The following VAV2 variants were observed in gnomAD, a reference collection of about 807,000 sequenced individuals.
VAV2 encodes the protein guanine nucleotide exchange factor VAV2.
VAV2 carries 67 observed loss-of-function variants against 132.5 expected under a neutral mutation model. That is an observed-to-expected ratio of 0.51 (90% CI 0.42 to 0.62). VAV2 has a LOEUF of 0.62. Ranked by LOEUF, VAV2 falls within the 20% of genes least tolerant of loss-of-function variation. The probability of loss-of-function intolerance (pLI) is 0.00; values close to 1 mark genes in which losing one functional copy is unlikely to be tolerated. For missense variants in VAV2, 938 were observed against 1,153.6 expected (o/e 0.81, Z 2.71); for synonymous variants, 492 against 443.5 (o/e 1.11, Z -1.37).
chr9:133,982,859 T>C (rs369469078), intron 1 of VAV2, among the ~76,000 whole-genome samples: 22 of 152,286 alleles, frequency 1.4e-4, no homozygotes, highest in African/African-American at 4.8e-4. Flanking sequence ...AAAAATAAAT[T>C]TCATGGGAGC....
At chr9:133,927,434 T>A (rs1414638155) in intron 2 of VAV2, among the ~76,000 whole-genome samples, 3 of 152,190 alleles carry the variant, frequency 2.0e-5, no homozygotes, top group African/African-American at 7.2e-5. Flanking sequence ...CAGCAGAGGC[T>A]CAGCCCAGAG....
rs181827094 is a variant in VAV2 at position 133,802,301 on chromosome 9, C to A, written c.836+3780G>T. Among the ~76,000 whole-genome samples, 1,627 of 148,210 alleles carry A rather than the reference C, an allele frequency of 0.011. 23 individuals are homozygous for A. Among genetic ancestry groups the A allele is most frequent in the Non-Finnish European group, 0.012 (828 of 67,684 alleles). On this transcript the variant is annotated intron_variant, in intron 9 of 29. Coordinates refer to ENST00000371850, the MANE Select transcript of VAV2 (RefSeq NM_001134398.2). This position sits in a 1 kb window ranked among gnomAD's most constrained non-coding sequence, Gnocchi z 5.8. ...GCACACACACACACATGCATGTGCA[C>A]ACAAACACACAAGCACGCGTGTACA...
At chr9:133,795,618 CG>C in intron 12 of VAV2, 49 bp downstream of exon 12, 1 of 1,599,996 alleles carries the variant, frequency 6.3e-7, no homozygotes, top group Non-Finnish European at 8.6e-7. Context: ...TCCAAGAACA[CG>C]GGCTAAGCCA....
intron 4 of VAV2, among the ~76,000 whole-genome samples, chr9:133,813,952 T>C (rs1053591088): frequency 3.9e-5 from 6 of 152,134 alleles, no homozygotes; most frequent in African/African-American, 7.2e-5. Context: ...CAAACTGAGG[T>C]TAAACAGCCA....
At chr9:133,906,310 G>A (rs679923) in intron 2 of VAV2, among the ~76,000 whole-genome samples, 60,298 of 152,098 alleles carry the variant, frequency 0.4, 12,477 homozygotes, top group East Asian at 0.66. Flanking sequence ...TCTATTAAAC[G>A]CAGCCACATC....
At chr9:133,905,433 C>CAAAAAA (rs5901029) in intron 2 of VAV2, among the ~76,000 whole-genome samples, 207 of 113,230 alleles carry the variant, frequency 1.8e-3, no homozygotes, top group African/African-American at 6.1e-3. Flanking sequence ...GAAACTGTCT[C>CAAAAAA]AAAAAAAAAA....
At chr9:133,968,561 T>C (rs1188025396) in intron 1 of VAV2, among the ~76,000 whole-genome samples, 1 of 151,900 alleles carries the variant, frequency 6.6e-6, no homozygotes, top group Non-Finnish European at 1.5e-5. Context: ...TCCCTACCCA[T>C]GGGGCCATCC....
chr9:133,893,042 A>C (rs1437310907), intron 2 of VAV2, among the ~76,000 whole-genome samples: 4 of 152,216 alleles, frequency 2.6e-5, no homozygotes, highest in African/African-American at 9.6e-5. Flanking sequence ...CCTGGCCCTT[A>C]GACACGCAGT....
chr9:133,986,302 G>C (rs934637318), intron 1 of VAV2, among the ~76,000 whole-genome samples: 4 of 152,200 alleles, frequency 2.6e-5, no homozygotes, highest in African/African-American at 9.6e-5. Flanking sequence ...TGATGGGGGA[G>C]CATTCTGTAA....
At position 133,943,411 on chromosome 9, in the gene VAV2, G is replaced by A. The variant is rs562899571; in HGVS notation, c.205-4192C>T. ...GCCAGGTGAAAAGTCCCCTGTCCAC[G>A]CCCAAGCTATGAAGGCTGGCTTCAG... On this transcript the variant is annotated intron_variant, in intron 1 of 29. Coordinates refer to ENST00000371850, the MANE Select transcript of VAV2 (RefSeq NM_001134398.2). Among the ~76,000 whole-genome samples, 9 of 152,338 alleles carry A rather than the reference G, an allele frequency of 5.9e-5. No individual in the cohort carries two copies. The East Asian group carries it at 7.7e-4, about 13-fold the overall frequency.
At chr9:133,895,976 C>A (rs1193914150) in intron 2 of VAV2, among the ~76,000 whole-genome samples, 4 of 131,660 alleles carry the variant, frequency 3.0e-5, no homozygotes, top group Non-Finnish European at 4.8e-5. Flanking sequence ...GTGTTTCTCG[C>A]AGAGGGGGAT....
chr9:133,910,823 C>CA (rs60841450), intron 2 of VAV2, among the ~76,000 whole-genome samples: 66,859 of 100,032 alleles, frequency 0.67, 24,702 homozygotes, highest in East Asian at 0.88. Context: ...GACTCGGTCT[C>CA]AAAAAAAAAA....
At chr9:133,880,092 A>T (rs1838427512) in intron 2 of VAV2, among the ~76,000 whole-genome samples, 1 of 152,376 alleles carries the variant, frequency 6.6e-6, no homozygotes, top group East Asian at 1.9e-4. Flanking sequence ...CATGGGGAAG[A>T]CAGGCCAAGG....
chr9:133,938,308 C>T (rs2519806), intron 2 of VAV2, among the ~76,000 whole-genome samples: 133,183 of 152,210 alleles, frequency 0.87, 59,162 homozygotes, highest in East Asian at 0.98. Context: ...GCGTCCAGCC[C>T]CGAATCCATC....
chr9:133,966,218 C>A (rs1842136378), intron 1 of VAV2, among the ~76,000 whole-genome samples: 1 of 152,158 alleles, frequency 6.6e-6, no homozygotes, highest in Admixed American at 6.5e-5. Flanking sequence ...GGACATTGGT[C>A]TGGGCAAAGA....
At chr9:133,869,945 C>T (rs1373279291) in intron 2 of VAV2, among the ~76,000 whole-genome samples, 1 of 152,206 alleles carries the variant, frequency 6.6e-6, no homozygotes, top group African/African-American at 2.4e-5. Flanking sequence ...ACTATTGCTG[C>T]ATATTCAGAA....
intron 2 of VAV2, among the ~76,000 whole-genome samples, chr9:133,902,023 C>T (rs575679907): frequency 2.0e-5 from 3 of 152,284 alleles, no homozygotes; most frequent in Admixed American, 6.5e-5. Context: ...TCCGAGCCTC[C>T]ATGTCCTACA....
At chr9:133,964,023 A>ATATG (rs1491397658) in intron 1 of VAV2, among the ~76,000 whole-genome samples, 12 of 8,016 alleles carry the variant, frequency 1.5e-3, no homozygotes, top group East Asian at 6.8e-3. Context: ...TTATTCATTC[A>ATATG]TATATATATA....
intron 15 of VAV2, among the ~76,000 whole-genome samples, chr9:133,787,775 G>A (rs1834286757): frequency 6.6e-6 from 1 of 150,866 alleles, no homozygotes; most frequent in South Asian, 2.1e-4. Context: ...GGCCCCACCC[G>A]CTGGCAGCCA....
Sources: gnomAD v4.1 joint callset for allele counts (sites outside exome capture counted in the v4.1 genomes callset) on GRCh38, gnomAD v4.1.1 for gene constraint, Gnocchi (gnomAD v3.1) non-coding constraint, MANE v1.5 for transcripts, NCBI Gene and HGNC (gene_info 2026-07-23, HGNC 2026-07-21) for gene names.